The following MET variants were observed in gnomAD, a reference collection of about 807,000 sequenced individuals.
MET encodes the protein MET proto-oncogene, receptor tyrosine kinase, also known as hepatocyte growth factor receptor.
MET carries 48 observed loss-of-function variants against 133.1 expected under a neutral mutation model. The observed-to-expected ratio is 0.36, with a 90% CI of 0.29 to 0.46. The LOEUF is 0.46. Ranked by LOEUF, MET falls within the 20% of genes least tolerant of loss-of-function variation. The probability of loss-of-function intolerance (pLI) is 1.00; values close to 1 mark genes in which losing one functional copy is unlikely to be tolerated. For missense variants in MET, 1,442 were observed against 1,695.9 expected, an observed-to-expected ratio of 0.85 and a Z score of 2.63; for synonymous variants, 628 against 616.5, an observed-to-expected ratio of 1.02 and a Z score of -0.28.
chr7:116,782,169 G>A (rs1335479498), intron 18 of MET, 72 bp downstream of exon 18: 11 of 1,025,080 alleles, frequency 1.1e-5, no homozygotes, highest in Non-Finnish European at 1.7e-5. Context: ...ACTGTTCAAT[G>A]CTAGTTAAGC....
chr7:116,678,792 A>G (rs1279728514), intron 1 of MET, among the ~76,000 whole-genome samples: 2 of 152,302 alleles, frequency 1.3e-5, no homozygotes, highest in Admixed American at 6.5e-5. Flanking sequence ...CTTTTAAGGG[A>G]AATTTAATCC....
intron 11 of MET, among the ~76,000 whole-genome samples, chr7:116,764,109 T>G (rs562659115): frequency 6.6e-6 from 1 of 152,086 alleles, no homozygotes; most frequent in Non-Finnish European, 1.5e-5. Context: ...GGTTGTAATA[T>G]AGGCTTTCAT....
At chr7:116,793,148 G>A (rs934771568) in intron 19 of MET, among the ~76,000 whole-genome samples, 1 of 151,106 alleles carries the variant, frequency 6.6e-6, no homozygotes, top group African/African-American at 2.4e-5. Flanking sequence ...ACTCAGCCAT[G>A]TCCCATTGAT....
intron 1 of MET, among the ~76,000 whole-genome samples, chr7:116,690,991 T>C (rs1216685767): frequency 6.6e-6 from 1 of 152,212 alleles, no homozygotes. Flanking sequence ...TTAAAGTTAA[T>C]AAACATAATA....
intron 2 of MET, among the ~76,000 whole-genome samples, chr7:116,701,839 C>T (rs1443657580): frequency 1.3e-5 from 2 of 151,996 alleles, no homozygotes; most frequent in Admixed American, 1.3e-4. Context: ...TTCTGAGACA[C>T]AAGTTTTAAA....
intron 2 of MET, among the ~76,000 whole-genome samples, chr7:116,719,966 G>T (rs1339532638): frequency 6.6e-6 from 1 of 151,784 alleles, no homozygotes; most frequent in Non-Finnish European, 1.5e-5. Flanking sequence ...TTGACTTGGC[G>T]ATGCGGGCTC....
chr7:116,738,260 A>G (rs1473375943), intron 3 of MET, among the ~76,000 whole-genome samples: 1 of 152,168 alleles, frequency 6.6e-6, no homozygotes, highest in Non-Finnish European at 1.5e-5. Flanking sequence ...ATTGGGCAGG[A>G]GTATAGGAAA....
chr7:116,740,817 C>A, intron 4 of MET, 35 bp from the exon 5 acceptor site: 2 of 1,611,948 alleles, frequency 1.2e-6, no homozygotes, highest in East Asian at 2.2e-5. Context: ...ACTAGATACC[C>A]CTCTGGAAGC....
intron 3 of MET, among the ~76,000 whole-genome samples, chr7:116,739,459 A>G (rs745968500): frequency 1.3e-5 from 2 of 152,238 alleles, no homozygotes; most frequent in Non-Finnish European, 2.9e-5. Context: ...GAAAAGATCT[A>G]TAAATGTGGC....
At chr7:116,731,562 A>G in intron 2 of MET, 106 bp from the exon 3 acceptor site, 1 of 1,153,546 alleles carries the variant, frequency 8.7e-7, no homozygotes, top group South Asian at 1.3e-5. Context: ...TTGCATGATT[A>G]TCCTTGCCAT....
chr7:116,682,143 A>G lies in MET; in HGVS notation c.-15+9566A>G, dbSNP rs1368982280. Among the ~76,000 whole-genome samples, 3 of 152,226 alleles carry G rather than the reference A, an allele frequency of 2.0e-5. No homozygotes were observed. The South Asian group carries it at 6.2e-4, about 31-fold the overall frequency. Reference sequence around the variant, plus strand: ...TGGTCTTCAAAGAACTTACCAAAAAAAAATTGTTCTTTAAATCACCAGAAA... The same window carrying G: ...TGGTCTTCAAAGAACTTACCAAAAAGAAATTGTTCTTTAAATCACCAGAAA... On this transcript the variant is annotated intron_variant, in intron 1 of 20. Coordinates refer to ENST00000397752, the MANE Select transcript of MET (RefSeq NM_000245.4).
intron 19 of MET, among the ~76,000 whole-genome samples, chr7:116,792,986 C>T (rs1584975157): frequency 6.6e-6 from 1 of 152,176 alleles, no homozygotes; most frequent in East Asian, 1.9e-4. Context: ...AGAGAAAAGC[C>T]TCATAGGCTT....
chr7:116,722,831 G>T (rs1243374825), intron 2 of MET, among the ~76,000 whole-genome samples: 1 of 151,876 alleles, frequency 6.6e-6, no homozygotes, highest in Non-Finnish European at 1.5e-5. Flanking sequence ...CTGGCTTGTA[G>T]GGTTTCTGCC....
At chr7:116,726,597 T>C (rs548134093) in intron 2 of MET, among the ~76,000 whole-genome samples, 2 of 152,146 alleles carry the variant, frequency 1.3e-5, no homozygotes, top group South Asian at 4.2e-4. Context: ...TCAGTGACTG[T>C]GGAAAGTGGA....
chr7:116,785,524 C>T (rs1377373568), intron 19 of MET, among the ~76,000 whole-genome samples: 1 of 152,196 alleles, frequency 6.6e-6, no homozygotes, highest in Non-Finnish European at 1.5e-5. Context: ...AATTCTATCA[C>T]GAGAACAGCA....
At chr7:116,697,705 A>T (rs1390588460) in intron 1 of MET, among the ~76,000 whole-genome samples, 2 of 152,186 alleles carry the variant, frequency 1.3e-5, no homozygotes, top group Admixed American at 6.5e-5. Context: ...AGCCAAGCAG[A>T]CCTTGTCCTT....
At position 116,796,743 on chromosome 7, in the gene MET, C is replaced by G. The variant is rs940886110; in HGVS notation, c.*619C>G. On this transcript the variant is annotated 3_prime_UTR_variant, in exon 21 of 21. Transcript: ENST00000397752. ...CTCCACCTCCCAGGCTCAAGCCTCC[C>G]GAATAGCTGGGACTACAGGCGCACA... 1 of 197,988 alleles carries G rather than the reference C, an allele frequency of 5.1e-6. No homozygotes were observed. The highest frequency in any genetic ancestry group is 2.3e-5 in the African/African-American group (1 of 43,094). The allele number at this position is 197,988 out of a possible 1,614,324, so 12.3% of individuals were successfully genotyped here.
chr7:116,757,210 G>A (rs1794210527), intron 6 of MET, among the ~76,000 whole-genome samples: 2 of 152,172 alleles, frequency 1.3e-5, no homozygotes, highest in Non-Finnish European at 2.9e-5. Context: ...TCCAGCCTGG[G>A]TGACAGAGCA....
rs1386434810 is a variant in MET, at chr7:116,798,177, T to C, written c.*2053T>C. The C allele has an allele frequency of 4.7e-6, 1 of 214,166 alleles. No individual in the cohort carries two copies. Among genetic ancestry groups the C allele is most frequent in the South Asian group, 1.9e-4 (1 of 5,366 alleles). 13.3% of individuals were successfully genotyped at this position (214,166 alleles called of 1,614,324 possible). On this transcript the variant is annotated 3_prime_UTR_variant, in exon 21 of 21. Transcript: ENST00000397752. ...GACTACACACTTGTATATACATTCT[T>C]GAGAACACTGCAATGTGAAAATCAC...
Sources: gnomAD v4.1 joint callset for allele counts (sites outside exome capture counted in the v4.1 genomes callset) on GRCh38, gnomAD v4.1.1 for gene constraint, MANE v1.5 for transcripts, NCBI Gene and HGNC (gene_info 2026-07-23, HGNC 2026-07-21) for gene names.